MARCHF1: variants seen among roughly 807,000 people sequenced by gnomAD.
MARCHF1 encodes the protein E3 ubiquitin-protein ligase MARCHF1.
Under a neutral mutation model 54.2 loss-of-function variants are expected in MARCHF1, and 40 were observed. The ratio of observed to expected loss-of-function variants is 0.74; its 90% CI spans 0.57 to 0.96. The LOEUF (loss-of-function observed/expected upper bound fraction) is 0.96, where lower values mean the gene tolerates loss of function less well. Ranked by LOEUF, MARCHF1 falls within the 40% of genes least tolerant of loss-of-function variation. The pLI is 0.00. For synonymous variants in MARCHF1, 236 were observed against 236.3 expected, an observed-to-expected ratio of 1.00 and a Z score of 0.01; for missense variants, 586 against 656.5, an observed-to-expected ratio of 0.89 and a Z score of 1.17.
intron 1 of MARCHF1, among the ~76,000 whole-genome samples, chr4:164,112,162 T>C (rs1560910158): frequency 6.6e-6 from 1 of 151,904 alleles, no homozygotes; most frequent in Non-Finnish European, 1.5e-5. Flanking sequence ...GATTGAAGGA[T>C]AAGCAACAGC....
intron 3 of MARCHF1, among the ~76,000 whole-genome samples, chr4:163,929,577 G>A (rs11100530): frequency 0.21 from 32,030 of 151,298 alleles, 4,149 homozygotes; most frequent in African/African-American, 0.37. Flanking sequence ...CTTAAAAATC[G>A]TGCCAACTGT....
At chr4:164,037,855 C>T (rs148203789) in intron 2 of MARCHF1, among the ~76,000 whole-genome samples, 1 of 152,282 alleles carries the variant, frequency 6.6e-6, no homozygotes, top group African/African-American at 2.4e-5. Context: ...TACCATTACA[C>T]TGTGTGAACA....
intron 4 of MARCHF1, among the ~76,000 whole-genome samples, chr4:163,839,868 T>C (rs1267519440): frequency 1.3e-5 from 2 of 152,040 alleles, no homozygotes; most frequent in East Asian, 1.9e-4. Flanking sequence ...CTTAATGATA[T>C]GTAAAATATA....
intron 7 of MARCHF1, among the ~76,000 whole-genome samples, chr4:163,604,344 A>C (rs2110898325): frequency 6.6e-6 from 1 of 152,284 alleles, no homozygotes; most frequent in Middle Eastern, 3.4e-3. Flanking sequence ...GTAGGGTAGT[A>C]AATGGTGTGG....
At chr4:163,542,813 A>G (rs901728662) in intron 9 of MARCHF1, among the ~76,000 whole-genome samples, 2 of 152,210 alleles carry the variant, frequency 1.3e-5, no homozygotes, top group African/African-American at 4.8e-5. Flanking sequence ...ATACTTTGAG[A>G]ATCACTGTGC....
chr4:163,606,467 A>G (rs1310971067), intron 7 of MARCHF1, among the ~76,000 whole-genome samples: 2 of 152,112 alleles, frequency 1.3e-5, no homozygotes. Flanking sequence ...AATATATGAT[A>G]CTGACTAGAA....
At chr4:164,052,263 CTG>C (rs1460418719) in intron 2 of MARCHF1, among the ~76,000 whole-genome samples, 1 of 8,530 alleles carries the variant, frequency 1.2e-4, no homozygotes, top group Non-Finnish European at 6.0e-4. Flanking sequence ...TGGCTCACGC[CTG>C]TAATCCTGTA....
intron 1 of MARCHF1, among the ~76,000 whole-genome samples, chr4:164,148,952 A>G (rs910237415): frequency 6.6e-6 from 1 of 152,148 alleles, no homozygotes; most frequent in African/African-American, 2.4e-5. Context: ...ATGTTGAAAG[A>G]TAACCTCCAA....
chr4:164,259,289 T>G (rs1439025950), intron 1 of MARCHF1, among the ~76,000 whole-genome samples: 1 of 151,962 alleles, frequency 6.6e-6, no homozygotes, highest in African/African-American at 2.4e-5. Context: ...ACTCCTGTAA[T>G]CCCAATACTT....
intron 1 of MARCHF1, among the ~76,000 whole-genome samples, chr4:164,145,374 G>A (rs1729652400): frequency 6.6e-6 from 1 of 151,906 alleles, no homozygotes; most frequent in African/African-American, 2.4e-5. Context: ...AACCAAAAAA[G>A]AGAATTTTAG....
At chr4:163,849,883 T>C (rs1749595911) in intron 4 of MARCHF1, among the ~76,000 whole-genome samples, 2 of 151,850 alleles carry the variant, frequency 1.3e-5, no homozygotes, top group South Asian at 4.2e-4. Flanking sequence ...GCTCCTATCC[T>C]TAACTTTCTA....
At chr4:163,598,134 C>T (rs184751860) in intron 7 of MARCHF1, among the ~76,000 whole-genome samples, 2 of 152,300 alleles carry the variant, frequency 1.3e-5, no homozygotes, top group Non-Finnish European at 2.9e-5. Flanking sequence ...TGAGATTCTG[C>T]TGCACTTTCC....
At chr4:164,038,549 T>A (rs943763870) in intron 2 of MARCHF1, among the ~76,000 whole-genome samples, 4 of 152,140 alleles carry the variant, frequency 2.6e-5, no homozygotes, top group Non-Finnish European at 4.4e-5. Context: ...TCATGAACTA[T>A]CTTATTAAAA....
intron 2 of MARCHF1, among the ~76,000 whole-genome samples, chr4:164,021,826 C>T (rs1012581410): frequency 6.7e-6 from 1 of 148,560 alleles, no homozygotes; most frequent in Non-Finnish European, 1.5e-5. Flanking sequence ...TGCATTCCAG[C>T]CTGGGCAACA....
chr4:164,007,345 CAAAAAAAAAAAAAAAAA>C (rs56306052), intron 2 of MARCHF1, among the ~76,000 whole-genome samples: 2 of 81,794 alleles, frequency 2.4e-5, no homozygotes, highest in Non-Finnish European at 4.2e-5. Context: ...GACTCCATCT[CAAAAAAAAAAAAAAAAA>C]AAAAAAAAAG....
chr4:164,329,925 C>T (rs1735387669), intron 1 of MARCHF1: 3 of 152,242 alleles, frequency 2.0e-5, no homozygotes, highest in Admixed American at 6.5e-5. Flanking sequence ...ACAGGACATA[C>T]AAACCATATC....
chr4:163,661,934 T>C (rs974997328), intron 5 of MARCHF1, among the ~76,000 whole-genome samples: 4 of 152,112 alleles, frequency 2.6e-5, no homozygotes, highest in Non-Finnish European at 5.9e-5. Flanking sequence ...AATTGATGGT[T>C]GACTGGATAT....
chr4:163,981,853 C>T (rs1752769732), intron 3 of MARCHF1, among the ~76,000 whole-genome samples: 1 of 152,210 alleles, frequency 6.6e-6, no homozygotes, highest in Non-Finnish European at 1.5e-5. Flanking sequence ...ACAATGACCA[C>T]ATGGAGTCTC....
chr4:163,894,845 TATATATATGCATGTGATGC>T lies in MARCHF1; in HGVS notation c.-38-40695_-38-40677del, dbSNP rs1223636443. Among the ~76,000 whole-genome samples, 6 of 94,628 alleles carry T rather than the reference TATATATATGCATGTGATGC, an allele frequency of 6.3e-5. 1 individual carries two copies. Among genetic ancestry groups the T allele is most frequent in the South Asian group, 8.2e-4 (2 of 2,436 alleles). The allele number at this position is 94,628 out of a possible 152,430, so 62.1% of individuals were successfully genotyped here. On this transcript the variant is annotated intron_variant, in intron 3 of 9. Transcript: ENST00000514618. ...TGCATATATATATGCATGTGATGCA[TATATATATGCATGTGATGC>T]ATATATATATGCATGTGATGCATAT...
Sources: gnomAD v4.1 joint callset for allele counts (sites outside exome capture counted in the v4.1 genomes callset) on GRCh38, gnomAD v4.1.1 for gene constraint, MANE v1.5 for transcripts, NCBI Gene and HGNC (gene_info 2026-07-23, HGNC 2026-07-21) for gene names.